Variants in KLHL25 observed in about 807,000 individuals in gnomAD.
KLHL25 encodes the protein kelch like family member 25.
Under a neutral mutation model 30.0 loss-of-function variants are expected in KLHL25, and 41 were observed. The ratio of observed to expected loss-of-function variants is 1.37; its 90% confidence interval spans 1.07 to 1.78. The LOEUF (loss-of-function observed/expected upper bound fraction) is 1.78, where lower values mean the gene tolerates loss of function less well. Ranked by LOEUF, KLHL25 falls within the 40% of genes most tolerant of loss-of-function variation. The probability of loss-of-function intolerance (pLI) is 0.00; values close to 1 mark genes in which losing one functional copy is unlikely to be tolerated. For missense variants in KLHL25, 971 were observed against 824.5 expected (o/e 1.18, Z -2.18); for synonymous variants, 399 against 355.3 (o/e 1.12, Z -1.38).
chr15:85,770,640 A>G (rs1454852956), intron 1 of KLHL25: 2 of 495,724 alleles, frequency 4.0e-6, no homozygotes, highest in Non-Finnish European at 4.2e-6. Context: ...GCAGAGGCCC[A>G]AGATGACAGC....
At chr15:85,788,577 C>T (rs2089796649) in intron 1 of KLHL25, among the ~76,000 whole-genome samples, 1 of 152,080 alleles carries the variant, frequency 6.6e-6, no homozygotes. Context: ...ACTTCCTCAC[C>T]TCATCAATGA....
intron 2 of KLHL25, among the ~76,000 whole-genome samples, chr15:85,766,311 G>A (rs1319337807): frequency 6.6e-6 from 1 of 152,188 alleles, no homozygotes; most frequent in Non-Finnish European, 1.5e-5. Context: ...GGGATCTTAT[G>A]CCCCTATTGC....
At chr15:85,790,312 T>C (rs1472901210) in intron 1 of KLHL25, among the ~76,000 whole-genome samples, 1 of 152,144 alleles carries the variant, frequency 6.6e-6, no homozygotes, top group African/African-American at 2.4e-5. Context: ...GGTCTCAAAC[T>C]CCCGACCTCA....
intron 2 of KLHL25, chr15:85,761,943 T>C (rs1281934877): frequency 6.6e-6 from 1 of 152,260 alleles, no homozygotes; most frequent in African/African-American, 2.4e-5. Flanking sequence ...TAACCTTAGT[T>C]ACATTTCAAT....
intron 1 of KLHL25, among the ~76,000 whole-genome samples, chr15:85,777,160 CT>C (rs370939173): frequency 1.3e-5 from 2 of 152,312 alleles, no homozygotes; most frequent in Non-Finnish European, 2.9e-5. Flanking sequence ...CAGGGAAGGG[CT>C]GAGAATGTCT....
chr15:85,766,385 T>C (rs1428922348), intron 2 of KLHL25, among the ~76,000 whole-genome samples: 1 of 152,180 alleles, frequency 6.6e-6, no homozygotes, highest in African/African-American at 2.4e-5. Flanking sequence ...GCACGCACCC[T>C]GGCCTTTCCC....
chr15:85,770,731 C>T, intron 1 of KLHL25, among the ~76,000 whole-genome samples: 1 of 152,164 alleles, frequency 6.6e-6, no homozygotes, highest in East Asian at 1.9e-4. Context: ...CTTCCCAGGT[C>T]CCCCAGCTGA....
In KLHL25 at chr15:85,773,399, C is replaced by T. The variant is rs1217605278; in HGVS notation, c.-10-3579G>A. 2.6e-5 allele frequency among the ~76,000 whole-genome samples: 4 copies of T among 152,270 alleles called. No homozygotes were observed. The East Asian group carries it at 7.7e-4, about 29-fold the overall frequency. ...GTGAATGCTGCCCAGGCGGCTGCGA[C>T]ACCTGACATGTGGTAAACGCGTGTC... On this transcript the variant is annotated intron_variant, in intron 1 of 2. Coordinates refer to ENST00000337975, the MANE Select transcript of KLHL25 (RefSeq NM_022480.4).
intron 1 of KLHL25, among the ~76,000 whole-genome samples, chr15:85,776,066 G>A (rs974716654): frequency 9.2e-5 from 14 of 151,816 alleles, no homozygotes; most frequent in Non-Finnish European, 8.8e-5. Context: ...CCAGCTACTC[G>A]GGAGGTTATA....
At chr15:85,794,137 C>G (rs566936948) in intron 1 of KLHL25, among the ~76,000 whole-genome samples, 32 of 152,342 alleles carry the variant, frequency 2.1e-4, no homozygotes, top group African/African-American at 7.5e-4. Flanking sequence ...TTGCTCTGGA[C>G]CTGCCAGTCT....
At chr15:85,770,460 G>A (rs142809296) in intron 1 of KLHL25, 37 of 530,560 alleles carry the variant, frequency 7.0e-5, no homozygotes, top group African/African-American at 4.8e-4. Flanking sequence ...GGCTCCAAGC[G>A]GTACTGGCTA....
intron 1 of KLHL25, among the ~76,000 whole-genome samples, chr15:85,787,097 T>G: frequency 6.6e-6 from 1 of 151,378 alleles, no homozygotes; most frequent in African/African-American, 2.4e-5. Flanking sequence ...AACAATGAGA[T>G]TCCACCCGCC....
chr15:85,770,655 C>T, intron 1 of KLHL25: 1 of 463,048 alleles, frequency 2.2e-6, no homozygotes, highest in African/African-American at 2.0e-5. Context: ...GACAGCAGGA[C>T]ATGCCGAACC....
intron 1 of KLHL25, chr15:85,770,688 G>T (rs1007680536): frequency 3.0e-5 from 12 of 399,824 alleles, no homozygotes; most frequent in Non-Finnish European, 5.7e-5. Context: ...ATCCAGATTT[G>T]CCTCAGCAAA....
chr15:85,773,365 G>A (rs960430041), intron 1 of KLHL25, among the ~76,000 whole-genome samples: 5 of 152,254 alleles, frequency 3.3e-5, no homozygotes, highest in Non-Finnish European at 2.9e-5. Flanking sequence ...GAGGAAGGCC[G>A]AGGCAGTGGT....
chr15:85,768,054 T>A lies in KLHL25; in HGVS notation c.1757A>T (p.His586Leu). 3 of 1,610,564 alleles carry A rather than the reference T, an allele frequency of 1.9e-6. No homozygotes were observed. The highest frequency in any genetic ancestry group is 1.1e-5 in the South Asian group (1 of 90,956). The change falls in exon 2 of 3, where the codon CAC becomes CTC. Residue 586 changes from histidine to leucine, a missense_variant. Coordinates refer to ENST00000337975, the MANE Select transcript of KLHL25 (RefSeq NM_022480.4). ...AGCAGGTGCTCCTCACGCGGGCAGG[T>A]GCTTCCAGGTGCTGACAAAGGCCGT... is the stretch of plus-strand genomic sequence containing the variant. ...IPTAFVSTWKHLPA is the reference protein window; with the variant it reads ...IPTAFVSTWKLLPA
intron 2 of KLHL25, among the ~76,000 whole-genome samples, chr15:85,765,277 C>T (rs528077647): frequency 2.6e-5 from 4 of 152,228 alleles, no homozygotes; most frequent in Non-Finnish European, 5.9e-5. Flanking sequence ...GAATCTCACT[C>T]CTCAGGGAAT....
At chr15:85,779,984 A>G (rs891449462) in intron 1 of KLHL25, among the ~76,000 whole-genome samples, 1 of 152,186 alleles carries the variant, frequency 6.6e-6, no homozygotes, top group Non-Finnish European at 1.5e-5. Flanking sequence ...TAAAAGTTCT[A>G]TTTACCAGGT....
At chr15:85,762,298 G>A (rs2089588387) in intron 2 of KLHL25, 1 of 152,360 alleles carries the variant, frequency 6.6e-6, no homozygotes, top group Non-Finnish European at 1.5e-5. Context: ...TCAGGGCAAG[G>A]CCTCACTGCT....
Sources: allele counts gnomAD v4.1 joint callset (sites outside exome capture counted in the v4.1 genomes callset), GRCh38; gene constraint gnomAD v4.1.1; transcripts MANE v1.5; gene names NCBI Gene and HGNC (gene_info 2026-07-23, HGNC 2026-07-21).